The following ACER1 variants were observed in gnomAD, a reference collection of about 807,000 sequenced individuals.
ACER1 encodes the protein CTB-180A7.3.
Under a neutral mutation model 24.9 loss-of-function variants are expected in ACER1, and 28 were observed. The observed-to-expected ratio is 1.13, with a 90% CI of 0.83 to 1.54. The LOEUF (loss-of-function observed/expected upper bound fraction) is 1.54, where lower values mean the gene tolerates loss of function less well. ACER1 is among the 40% of genes most tolerant of loss of function. The pLI is 0.00. For missense variants in ACER1, 352 were observed against 349.3 expected (o/e 1.01, Z -0.06); for synonymous variants, 132 against 131.4 (o/e 1.00, Z -0.03).
the ACER1 span, among the ~76,000 whole-genome samples, chr19:6,355,761 C>G: frequency 7.2e-6 from 1 of 139,672 alleles, no homozygotes; most frequent in Non-Finnish European, 1.5e-5. Flanking sequence ...GGGGGTCAGC[C>G]CCCCACCCGG....
chr19:6,311,928 A>G (rs1382549449), intron 3 of ACER1, among the ~76,000 whole-genome samples: 2 of 152,140 alleles, frequency 1.3e-5, no homozygotes, highest in Non-Finnish European at 2.9e-5. Flanking sequence ...AAGTAGGATC[A>G]AGGGAGGGAT....
At chr19:6,349,926 T>A in the ACER1 span, among the ~76,000 whole-genome samples, 12 of 151,298 alleles carry the variant, frequency 7.9e-5, no homozygotes, top group Admixed American at 7.2e-4. Flanking sequence ...ACCCCAGGAG[T>A]TCAAGACCAG....
chr19:6,322,172 C>T lies in ACER1; in HGVS notation c.94-9673G>A, dbSNP rs73920639. Among the ~76,000 whole-genome samples the T allele has an allele frequency of 9.9e-3, 1,502 of 152,248 alleles. 27 individuals are homozygous for T. Among genetic ancestry groups the T allele is most frequent in the African/African-American group, 0.033 (1,359 of 41,536 alleles). Reference sequence around the variant, plus strand: ...TTCATGCATGTAATTATCCAACTTACGGCATCTGCCTTCCCTGGGTCAACA... The same window carrying T: ...TTCATGCATGTAATTATCCAACTTATGGCATCTGCCTTCCCTGGGTCAACA... On this transcript the variant is annotated intron_variant, in intron 1 of 5. Coordinates refer to ENST00000301452, the MANE Select transcript of ACER1 (RefSeq NM_133492.3).
At chr19:6,324,530 G>A (rs1175747055) in intron 1 of ACER1, among the ~76,000 whole-genome samples, 2 of 150,680 alleles carry the variant, frequency 1.3e-5, no homozygotes, top group South Asian at 2.1e-4. Context: ...GGCCGAGGCG[G>A]GCAGATCACC....
At chr19:6,355,992 C>CG in the ACER1 span, among the ~76,000 whole-genome samples, 2 of 151,848 alleles carry the variant, frequency 1.3e-5, no homozygotes, top group East Asian at 3.9e-4. Flanking sequence ...TCATTGAGAA[C>CG]GGGCCATGAT....
chr19:6,351,961 C>T, the ACER1 span, among the ~76,000 whole-genome samples: 1 of 150,124 alleles, frequency 6.7e-6, no homozygotes, highest in Non-Finnish European at 1.5e-5. Flanking sequence ...GAGGCTGAGG[C>T]AGGAGAATGG....
intron 1 of ACER1, among the ~76,000 whole-genome samples, chr19:6,319,279 C>T (rs1173492344): frequency 2.6e-5 from 4 of 152,112 alleles, no homozygotes; most frequent in Admixed American, 6.5e-5. Flanking sequence ...ATGGAGTTTC[C>T]GATAACATCG....
At chr19:6,350,605 A>G in the ACER1 span, among the ~76,000 whole-genome samples, 2 of 124,226 alleles carry the variant, frequency 1.6e-5, no homozygotes, top group African/African-American at 2.9e-5. Context: ...AAAGGAAGGA[A>G]GGAGGGAGGG....
intron 1 of ACER1, among the ~76,000 whole-genome samples, chr19:6,318,701 G>A: frequency 6.6e-6 from 1 of 150,528 alleles, no homozygotes. Flanking sequence ...CAGAAGAATG[G>A]CGTGAACCCG....
At chr19:6,346,494 T>C in the ACER1 span, among the ~76,000 whole-genome samples, 3 of 151,372 alleles carry the variant, frequency 2.0e-5, no homozygotes, top group African/African-American at 4.9e-5. Flanking sequence ...CTTCTTCTCC[T>C]TCTTCTTCTT....
At chr19:6,307,923 C>A in intron 4 of ACER1, among the ~76,000 whole-genome samples, 1 of 151,038 alleles carries the variant, frequency 6.6e-6, no homozygotes, top group East Asian at 2.0e-4. Context: ...TCTGACTCTA[C>A]TAAAAATACA....
chr19:6,355,621 G>A, the ACER1 span, among the ~76,000 whole-genome samples: 1 of 122,722 alleles, frequency 8.1e-6, no homozygotes, highest in Admixed American at 7.5e-5. Context: ...GGAGGGAGGT[G>A]GGGGGGGTCA....
chr19:6,308,208 G>A (rs2091561148), intron 4 of ACER1, among the ~76,000 whole-genome samples: 1 of 152,138 alleles, frequency 6.6e-6, no homozygotes, highest in Non-Finnish European at 1.5e-5. Flanking sequence ...GCCGAGGCGG[G>A]CAGATCATCT....
intron 1 of ACER1, among the ~76,000 whole-genome samples, chr19:6,323,080 C>G (rs767504267): frequency 1.3e-5 from 2 of 152,026 alleles, no homozygotes; most frequent in Non-Finnish European, 2.9e-5. Context: ...CCATTGCACT[C>G]CAGCCTGGGC....
chr19:6,354,892 G>A, the ACER1 span, among the ~76,000 whole-genome samples: 2 of 152,032 alleles, frequency 1.3e-5, no homozygotes, highest in Non-Finnish European at 2.9e-5. Flanking sequence ...GGACTGTACT[G>A]CTGCCATCTC....
chr19:6,332,555 G>A (rs898850846), intron 1 of ACER1, among the ~76,000 whole-genome samples: 7 of 152,122 alleles, frequency 4.6e-5, no homozygotes, highest in Non-Finnish European at 1.0e-4. Flanking sequence ...TTACAGGCAT[G>A]AGCCATGGTG....
intron 1 of ACER1, among the ~76,000 whole-genome samples, chr19:6,325,519 T>G (rs2091656738): frequency 6.6e-6 from 1 of 152,112 alleles, no homozygotes; most frequent in Non-Finnish European, 1.5e-5. Context: ...CCAGCCATGG[T>G]GGCAGGTGCT....
At chr19:6,333,657 G>A (rs957031286), upstream of ACER1, 10 of 955,422 alleles carry the variant, frequency 1.0e-5, no homozygotes, top group East Asian at 8.3e-5. Flanking sequence ...GGTGCCCCGC[G>A]GCAGGCAGAC....
intron 1 of ACER1, among the ~76,000 whole-genome samples, chr19:6,327,434 G>C (rs1004056342): frequency 5.9e-5 from 9 of 151,900 alleles, no homozygotes; most frequent in Non-Finnish European, 1.0e-4. Context: ...GGGTGGTGAC[G>C]GGCGTCTGTA....
Sources: allele counts gnomAD v4.1 joint callset (sites outside exome capture counted in the v4.1 genomes callset), GRCh38; gene constraint gnomAD v4.1.1; transcripts MANE v1.5; gene names NCBI Gene and HGNC (gene_info 2026-07-23, HGNC 2026-07-21).